The following TAF8 variants were observed in gnomAD, a reference collection of about 807,000 sequenced individuals.
TAF8 encodes the protein TATA-box binding protein associated factor 8.
In TAF8, 47 loss-of-function variants were observed where a neutral mutation model predicts 36.5. That is an observed-to-expected ratio of 1.29 (90% CI 1.02 to 1.64). The LOEUF is 1.64. TAF8 is among the 40% of genes most tolerant of loss of function. The pLI, the probability that TAF8 is intolerant of heterozygous loss-of-function variation, is 0.00. For missense variants in TAF8, 420 were observed against 407.6 expected (o/e 1.03, Z -0.26); for synonymous variants, 175 against 159.5 (o/e 1.10, Z -0.73).
In TAF8 at chr6:42,060,649, C is replaced by T. The variant is rs1239898862; in HGVS notation, c.489+3136C>T. ...ACCTTGTACAGAGACTCTGTGTGGA[C>T]GGGGTATAAGGCCAGATTCCCCAAC... is the stretch of plus-strand genomic sequence containing the variant. On this transcript the variant is annotated intron_variant, in intron 5 of 8. Coordinates refer to ENST00000372977, the MANE Select transcript of TAF8 (RefSeq NM_138572.3). 3.9e-5 allele frequency among the ~76,000 whole-genome samples: 6 copies of T among 152,130 alleles called. No individual in the cohort carries two copies. The South Asian group carries it at 1.0e-3, about 26-fold the overall frequency.
rs1252785031 is a variant in TAF8, at chr6:42,055,529, A to G, written c.203-2A>G. Reference sequence around the variant, plus strand: ...AGTTTTATGCCTTTAATCCCCTCTTAGACATTTCAGAAATTGGGAGAAGTG... The same window carrying G: ...AGTTTTATGCCTTTAATCCCCTCTTGGACATTTCAGAAATTGGGAGAAGTG... On this transcript the variant is annotated splice_acceptor_variant, in intron 2 of 8. Coordinates refer to ENST00000372977, the MANE Select transcript of TAF8 (RefSeq NM_138572.3). LOFTEE classifies it high-confidence loss of function. The G allele has an allele frequency of 1.2e-6, 2 of 1,609,716 alleles. No homozygotes were observed. Among genetic ancestry groups the G allele is most frequent in the African/African-American group, 1.3e-5 (1 of 74,920 alleles).
chr6:42,072,965 C>T (rs1011430179), intron 7 of TAF8, among the ~76,000 whole-genome samples: 3 of 151,980 alleles, frequency 2.0e-5, no homozygotes, highest in African/African-American at 4.8e-5. Flanking sequence ...CCTCGTGATC[C>T]GCCCGCCTCA....
At chr6:42,056,338 A>G (rs966420460) in intron 4 of TAF8, 7 of 265,064 alleles carry the variant, frequency 2.6e-5, no homozygotes, top group South Asian at 1.3e-4. Context: ...TATGGGCCAA[A>G]TGCAGCCTGC....
chr6:42,053,094 A>G (rs1319253422), intron 2 of TAF8, among the ~76,000 whole-genome samples: 1 of 152,098 alleles, frequency 6.6e-6, no homozygotes, highest in East Asian at 1.9e-4. Context: ...TATTAATTAG[A>G]GATGGGGTCT....
intron 5 of TAF8, chr6:42,057,776 G>GAA (rs34302758): frequency 0.03 from 9,602 of 323,652 alleles, 1 homozygote; most frequent in East Asian, 0.041. Flanking sequence ...AATAAATAAA[G>GAA]AAAAAAAAAA....
At chr6:42,064,593 CTTTG>C (rs751463556) in intron 5 of TAF8, among the ~76,000 whole-genome samples, 2 of 151,800 alleles carry the variant, frequency 1.3e-5, no homozygotes, top group Non-Finnish European at 2.9e-5. Flanking sequence ...AATTCTGTTT[CTTTG>C]TTTAAGTACA....
intron 6 of TAF8, among the ~76,000 whole-genome samples, chr6:42,066,942 A>T (rs1765387220): frequency 6.6e-6 from 1 of 152,146 alleles, no homozygotes; most frequent in African/African-American, 2.4e-5. Flanking sequence ...CTCCTGTGGA[A>T]CGCCCGCTGT....
chr6:42,061,200 T>C (rs887234072), intron 5 of TAF8, among the ~76,000 whole-genome samples: 1 of 152,228 alleles, frequency 6.6e-6, no homozygotes, highest in Non-Finnish European at 1.5e-5. Flanking sequence ...TACAATTGAC[T>C]AGGAATTTTG....
At position 42,082,706 on chromosome 6, in the gene TAF8, TTGTG is replaced by T. The variant is rs1160570743; in HGVS notation, c.*5165_*5168del. The T allele has an allele frequency of 2.0e-5, 3 of 152,324 alleles. No homozygotes were observed. In the East Asian group the frequency reaches 5.8e-4, roughly 29 times the overall value. 9.4% of individuals were successfully genotyped at this position (152,324 alleles called of 1,614,324 possible). A position where few individuals can be genotyped will look rare whatever the true frequency, so the allele number is the denominator to read the frequency against. On this transcript the variant is annotated 3_prime_UTR_variant, in exon 9 of 9. Coordinates refer to ENST00000372977, the MANE Select transcript of TAF8 (RefSeq NM_138572.3). Reference sequence around the variant, plus strand: ...ATTCTCTTGAGGTCCATCTAGGTGGTTGTGTGTATCAGTAGTTCCTTTCTTTTTA... The same window carrying T: ...ATTCTCTTGAGGTCCATCTAGGTGGTTGTATCAGTAGTTCCTTTCTTTTTA...
chr6:42,086,712 T>C, downstream of TAF8: 1 of 1,551,110 alleles, frequency 6.4e-7, no homozygotes, highest in South Asian at 1.2e-5. Context: ...CACCCTACGT[T>C]CCTCAGGCCA....
intron 7 of TAF8, 98 bp from the exon 8 acceptor site, chr6:42,077,002 T>C: frequency 7.0e-7 from 1 of 1,428,150 alleles, no homozygotes; most frequent in Non-Finnish European, 9.4e-7. Context: ...CAGGTTCTAA[T>C]TTCTCAATTA....
chr6:42,087,057 T>C, downstream of TAF8: 1 of 458,050 alleles, frequency 2.2e-6, no homozygotes, highest in Non-Finnish European at 4.0e-6. Flanking sequence ...GAGTGCACCA[T>C]GTCTTGTGGC....
intron 7 of TAF8, among the ~76,000 whole-genome samples, chr6:42,070,407 G>T (rs111532537): frequency 0.025 from 3,828 of 152,266 alleles, 140 homozygotes; most frequent in African/African-American, 0.08. Flanking sequence ...CAGGAGAATG[G>T]CGTGAACCTG....
chr6:42,079,329 G>C lies in TAF8; in HGVS notation c.*1784G>C. 1 of 985,392 alleles carries C rather than the reference G, an allele frequency of 1.0e-6. No homozygotes were observed. 61.0% of individuals were successfully genotyped at this position (985,392 alleles called of 1,614,324 possible). On this transcript the variant is annotated 3_prime_UTR_variant, in exon 9 of 9. Coordinates refer to ENST00000372977, the MANE Select transcript of TAF8 (RefSeq NM_138572.3). ...TGTCCAACCAATTTGTATCCTGTGGGGAGAACAACTTCATTCTTAACATAC... is the reference window on the plus strand; with the variant it reads ...TGTCCAACCAATTTGTATCCTGTGGCGAGAACAACTTCATTCTTAACATAC...
chr6:42,085,532 G>A (rs529593615), downstream of TAF8, among the ~76,000 whole-genome samples: 1 of 152,278 alleles, frequency 6.6e-6, no homozygotes, highest in East Asian at 1.9e-4. Flanking sequence ...AATGGGATTG[G>A]TGCCTCTAGG....
At chr6:42,086,994 G>A (rs565597567), downstream of TAF8, 23 of 585,314 alleles carry the variant, frequency 3.9e-5, no homozygotes, top group South Asian at 4.7e-4. Flanking sequence ...GGCGAGTTCT[G>A]CCGTGCCCTC....
chr6:42,068,461 C>T lies in TAF8; in HGVS notation c.638-4C>T, dbSNP rs199698704. 15 of 1,613,872 alleles carry T rather than the reference C, an allele frequency of 9.3e-6. No homozygotes were observed. In the East Asian group the frequency reaches 2.7e-4, roughly 29 times the overall value. On this transcript the variant is annotated splice_region_variant and splice_polypyrimidine_tract_variant and intron_variant, in intron 6 of 8. Coordinates refer to ENST00000372977, the MANE Select transcript of TAF8 (RefSeq NM_138572.3). ...GGACTCATGCCTCTCTTCCAATTCG[C>T]CAGTGATTGCTGCCAGACCTTTCAC... is the stretch of plus-strand genomic sequence containing the variant.
Position 42,081,950 on chromosome 6 carries a change from G to C in TAF8, c.*4405G>C, listed in dbSNP as rs1339124053. 6.6e-6 allele frequency: 1 copy of C among 152,210 alleles called. No homozygotes were observed. The highest frequency in any genetic ancestry group is 1.5e-5 in the Non-Finnish European group (1 of 68,036). The allele number at this position is 152,210 out of a possible 1,614,324, so 9.4% of individuals were successfully genotyped here. On this transcript the variant is annotated 3_prime_UTR_variant, in exon 9 of 9. Coordinates refer to ENST00000372977, the MANE Select transcript of TAF8 (RefSeq NM_138572.3). ...AGATGTTGCAAAAAATGTTGAGAGA[G>C]ATCCTATGTACCCATCACCCACTTT...
rs760344276 is a variant in TAF8 at position 42,066,320 on chromosome 6, T to C, written c.498T>C (p.Arg166=). Reference sequence around the variant, plus strand: ...TGCTGCTCTCTTCGTAGACGTACCGTGAGCCCGTGTCAGACTACCAGGTCC... The same window carrying C: ...TGCTGCTCTCTTCGTAGACGTACCGCGAGCCCGTGTCAGACTACCAGGTCC... ...PHTYIKTPTY[R]EPVSDYQVLR... The change falls in exon 6 of 9, where the codon CGT becomes CGC. Residue 166 remains arginine, a synonymous_variant. Transcript: ENST00000372977. The C allele has an allele frequency of 6.2e-7, 1 of 1,613,990 alleles. No individual in the cohort carries two copies. The highest frequency in any genetic ancestry group is 1.1e-5 in the South Asian group (1 of 91,080).
Sources: gnomAD v4.1 joint callset for allele counts (sites outside exome capture counted in the v4.1 genomes callset) on GRCh38, gnomAD v4.1.1 for gene constraint, MANE v1.5 for transcripts, NCBI Gene and HGNC (gene_info 2026-07-23, HGNC 2026-07-21) for gene names.